The following PEX7 variants were observed in gnomAD, a reference collection of about 807,000 sequenced individuals.
PEX7 encodes PTS2 receptor.
PEX7 carries 34 observed loss-of-function variants against 47.5 expected under a neutral mutation model. The ratio of observed to expected loss-of-function variants is 0.72; its 90% CI spans 0.54 to 0.95. The LOEUF (loss-of-function observed/expected upper bound fraction) is 0.95, where lower values mean the gene tolerates loss of function less well. Ranked by LOEUF, PEX7 falls within the 40% of genes least tolerant of loss-of-function variation. The probability of loss-of-function intolerance (pLI) is 0.00; values close to 1 mark genes in which losing one functional copy is unlikely to be tolerated. For missense variants in PEX7, 394 were observed against 400.3 expected (o/e 0.98, Z 0.13); for synonymous variants, 141 against 148.8 (o/e 0.95, Z 0.38).
At chr6:136,839,530 C>T (rs1055189394) in intron 3 of PEX7, among the ~76,000 whole-genome samples, 2 of 152,284 alleles carry the variant, frequency 1.3e-5, no homozygotes, top group Non-Finnish European at 2.9e-5. Flanking sequence ...TAATTTTCTT[C>T]ACCACTGCCA....
chr6:136,829,757 C>T (rs535519569), intron 3 of PEX7, among the ~76,000 whole-genome samples: 4 of 151,976 alleles, frequency 2.6e-5, no homozygotes, highest in African/African-American at 4.8e-5. Context: ...GCCAACATGG[C>T]GAAAACCCCG....
In PEX7 at chr6:136,872,220, T is replaced by G; in HGVS notation, c.770T>G (p.Val257Gly). The G allele has an allele frequency of 6.2e-7, 1 of 1,610,540 alleles. No individual in the cohort carries two copies. The highest frequency in any genetic ancestry group is 2.2e-5 in the East Asian group (1 of 44,734). The change falls in exon 8 of 10, where the codon GTG becomes GGG. Residue 257 changes from valine to glycine, a missense_variant. By Grantham distance (109) the Val-to-Gly change is moderately radical. Transcript: ENST00000318471. ...TAGTTTTCACCATTTCATGCTTCTG[T>G]GCTGGCCTCTTGCTCGTATGATTTT... ...RVKFSPFHAS[V>G]LASCSYDFTV...
intron 2 of PEX7, among the ~76,000 whole-genome samples, 183 bp downstream of exon 2, chr6:136,825,454 A>C (rs957964069): frequency 2.0e-5 from 3 of 152,148 alleles, no homozygotes; most frequent in Non-Finnish European, 2.9e-5. Context: ...GCTATTCCCA[A>C]GTCTGAGGCA....
chr6:136,852,716 G>A (rs867204802), intron 5 of PEX7, among the ~76,000 whole-genome samples: 8 of 7,490 alleles, frequency 1.1e-3, no homozygotes, highest in Admixed American at 8.2e-3. Flanking sequence ...AATCAATATC[G>A]TGAAAATGGC....
chr6:136,830,123 A>T (rs571467208), intron 3 of PEX7: 11 of 682,454 alleles, frequency 1.6e-5, no homozygotes, highest in Middle Eastern at 2.4e-4. Context: ...TTGGATTTGA[A>T]TCCCAGCTTT....
At chr6:136,871,761 A>G (rs1366724560) in intron 7 of PEX7, among the ~76,000 whole-genome samples, 1 of 151,934 alleles carries the variant, frequency 6.6e-6, no homozygotes, top group Admixed American at 6.6e-5. Context: ...GGGTTTCACC[A>G]TGTTGGCCAG....
Position 136,872,056 on chromosome 6 carries a change from A to G in PEX7, c.748-142A>G, listed in dbSNP as rs867457746. 1.7e-4 allele frequency: 120 copies of G among 699,994 alleles called. 1 individual carries two copies. Among genetic ancestry groups the G allele is most frequent in the Middle Eastern group, 1.2e-3 (3 of 2,558 alleles). 43.4% of individuals were successfully genotyped at this position (699,994 alleles called of 1,614,324 possible). On this transcript the variant is annotated intron_variant, in intron 7 of 9. Coordinates refer to ENST00000318471, the MANE Select transcript of PEX7 (RefSeq NM_000288.4). ...ATTTTTGCCTCAAATTATAGCATAT[A>G]TGCTTTGAAAAAGCATAATTTTAAG...
In PEX7 at chr6:136,890,899, T is replaced by G. The variant is rs560313654; in HGVS notation, c.804-7243T>G. 1.6e-4 allele frequency among the ~76,000 whole-genome samples: 25 copies of G among 152,338 alleles called. No individual in the cohort carries two copies. The South Asian group carries it at 2.1e-3, about 13-fold the overall frequency. On this transcript the variant is annotated intron_variant, in intron 8 of 9. Coordinates refer to ENST00000318471, the MANE Select transcript of PEX7 (RefSeq NM_000288.4). ...TTGGTGCTACCAGTTACGCTTCAGA[T>G]GTACACAGACTATTCTTATCCTTAA... is the stretch of plus-strand genomic sequence containing the variant.
At chr6:136,860,014 GA>G (rs952687812) in intron 5 of PEX7, among the ~76,000 whole-genome samples, 111 of 129,714 alleles carry the variant, frequency 8.6e-4, no homozygotes, top group Middle Eastern at 4.1e-3. Flanking sequence ...CTCTGTCTCA[GA>G]AAAAAAAAAA....
chr6:136,822,719 C>A lies in PEX7; in HGVS notation c.54C>A (p.His18Gln). The change falls in exon 1 of 10, where the codon CAC becomes CAA. Residue 18 changes from histidine (H) to glutamine (Q), a missense_variant. Coordinates refer to ENST00000318471, the MANE Select transcript of PEX7 (RefSeq NM_000288.4). Reference sequence around the variant, plus strand: ...GGATGCTGCGGACGCCGGGACGCCACGGCTACGCCGCCGAGTTCTCCCCGT... The same window carrying A: ...GGATGCTGCGGACGCCGGGACGCCAAGGCTACGCCGCCGAGTTCTCCCCGT... ...AARMLRTPGR[H>Q]GYAAEFSPYL... 1.3e-6 allele frequency: 2 copies of A among 1,514,786 alleles called. No homozygotes were observed. The highest frequency in any genetic ancestry group is 8.8e-7 in the Non-Finnish European group (1 of 1,138,318). The allele number at this position is 1,514,786 out of a possible 1,614,324, so 93.8% of individuals were successfully genotyped here. A position where few individuals can be genotyped will look rare whatever the true frequency, so the allele number is the denominator to read the frequency against.
intron 3 of PEX7, among the ~76,000 whole-genome samples, chr6:136,838,098 A>G (rs1038139493): frequency 1.3e-5 from 2 of 152,266 alleles, no homozygotes; most frequent in Non-Finnish European, 2.9e-5. Flanking sequence ...GAAAATCACT[A>G]TTTAGTAGCC....
At chr6:136,853,818 A>G (rs1255660555) in intron 5 of PEX7, among the ~76,000 whole-genome samples, 2 of 152,182 alleles carry the variant, frequency 1.3e-5, no homozygotes, top group Non-Finnish European at 2.9e-5. Flanking sequence ...AAGAAAAAAT[A>G]TTTTTGTTCT....
chr6:136,840,727 A>G (rs1774481333), intron 3 of PEX7, among the ~76,000 whole-genome samples: 1 of 152,194 alleles, frequency 6.6e-6, no homozygotes, highest in Non-Finnish European at 1.5e-5. Flanking sequence ...ATTCTTAGCC[A>G]TAGCCCTTTA....
At chr6:136,890,584 C>T (rs535970900) in intron 8 of PEX7, among the ~76,000 whole-genome samples, 97 of 152,258 alleles carry the variant, frequency 6.4e-4, no homozygotes, top group African/African-American at 2.3e-3. Flanking sequence ...CCCCCATCAC[C>T]GTGTCCACCC....
chr6:136,866,796 A>G, intron 6 of PEX7, 63 bp downstream of exon 6: 2 of 1,420,338 alleles, frequency 1.4e-6, no homozygotes, highest in South Asian at 2.4e-5. Context: ...TCTGAATTTT[A>G]TTTGTCTTTG....
At chr6:136,845,550 A>G (rs1774580190) in intron 3 of PEX7, 65 bp from the exon 4 acceptor site, 1 of 893,074 alleles carries the variant, frequency 1.1e-6, no homozygotes, top group Non-Finnish European at 1.9e-6. Context: ...TTATGTAACA[A>G]GAGATAAAAT....
chr6:136,866,901 A>T (rs917237745), intron 6 of PEX7, among the ~76,000 whole-genome samples, 168 bp downstream of exon 6: 7 of 152,180 alleles, frequency 4.6e-5, no homozygotes, highest in African/African-American at 1.4e-4. Context: ...CATTAGCATT[A>T]ATTGGATTTA....
intron 5 of PEX7, among the ~76,000 whole-genome samples, chr6:136,848,116 G>A (rs1374522260): frequency 6.6e-6 from 1 of 152,098 alleles, no homozygotes; most frequent in African/African-American, 2.4e-5. Context: ...AATTGTGAAT[G>A]GGAGTTCACT....
intron 9 of PEX7, chr6:136,901,250 C>T (rs1246452048): frequency 6.6e-6 from 1 of 152,262 alleles, no homozygotes; most frequent in Non-Finnish European, 1.5e-5. Context: ...CTACATGTAT[C>T]TCCATGTTTT....
Sources: allele counts gnomAD v4.1 joint callset (sites outside exome capture counted in the v4.1 genomes callset), GRCh38; gene constraint gnomAD v4.1.1; transcripts MANE v1.5; gene names NCBI Gene and HGNC (gene_info 2026-07-23, HGNC 2026-07-21).